Variants in SMAD2 observed in about 807,000 individuals in gnomAD.
The protein encoded by SMAD2 is SMAD family member 2, also known as MAD homolog 2.
In SMAD2, 8 loss-of-function variants were observed where a neutral mutation model predicts 64.4. The ratio of observed to expected loss-of-function variants is 0.12; its 90% CI spans 0.07 to 0.22. The LOEUF is 0.22. Ranked by LOEUF, SMAD2 falls within the 10% of genes least tolerant of loss-of-function variation. The probability of loss-of-function intolerance (pLI) is 1.00; values close to 1 mark genes in which losing one functional copy is unlikely to be tolerated. For synonymous variants in SMAD2, 203 were observed against 195.8 expected, an observed-to-expected ratio of 1.04 and a Z score of -0.31; for missense variants, 289 against 561.2, an observed-to-expected ratio of 0.51 and a Z score of 4.90.
Position 47,834,628 on chromosome 18 carries a change from AG to A in SMAD2, c.*7198del, listed in dbSNP as rs760940783. ...GTTCCTCTAAGCTTGCTAAAAGGCTAGGAAGTCCAGAAATACCTTAAACGTG... is the reference window on the plus strand; with the variant it reads ...GTTCCTCTAAGCTTGCTAAAAGGCTAGAAGTCCAGAAATACCTTAAACGTG... On this transcript the variant is annotated 3_prime_UTR_variant, in exon 11 of 11. Transcript: ENST00000262160. The A allele has an allele frequency of 8.1e-6, 1 of 123,932 alleles. No individual in the cohort carries two copies. Among genetic ancestry groups the A allele is most frequent in the African/African-American group, 5.3e-5 (1 of 18,956 alleles). The allele number at this position is 123,932 out of a possible 1,614,324, so 7.7% of individuals were successfully genotyped here. A position where few individuals can be genotyped will look rare whatever the true frequency, so the allele number is the denominator to read the frequency against.
intron 9 of SMAD2, 89 bp from the exon 10 acceptor site, chr18:47,845,573 C>T (rs2144289128): frequency 6.4e-7 from 1 of 1,561,022 alleles, no homozygotes; most frequent in Admixed American, 1.7e-5. Flanking sequence ...AGAATATGAG[C>T]ATGCAATCAT....
rs190837188 is a variant in SMAD2, at chr18:47,809,543, G to C, written c.*32284C>G. On this transcript the variant is annotated 3_prime_UTR_variant, in exon 11 of 11. Coordinates refer to ENST00000262160, the MANE Select transcript of SMAD2 (RefSeq NM_005901.6). Reference sequence around the variant, plus strand: ...GCTGAGGAGGACTTGGAACCAGAAAGACAATGAAGCACTCAGGCCTGTGCC... The same window carrying C: ...GCTGAGGAGGACTTGGAACCAGAAACACAATGAAGCACTCAGGCCTGTGCC... 11 of 152,624 alleles carry C rather than the reference G, an allele frequency of 7.2e-5. No homozygotes were observed. The highest frequency in any genetic ancestry group is 2.6e-4 in the African/African-American group (11 of 41,588). 9.5% of individuals were successfully genotyped at this position (152,624 alleles called of 1,614,324 possible).
intron 2 of SMAD2, among the ~76,000 whole-genome samples, chr18:47,873,228 G>A (rs567575627): frequency 6.6e-6 from 1 of 152,080 alleles, no homozygotes; most frequent in African/African-American, 2.4e-5. Context: ...TAGATAGTGA[G>A]AGTTGTATAA....
chr18:47,850,177 CATATATATATTATATATAGT>C (rs1486622793), intron 7 of SMAD2, among the ~76,000 whole-genome samples: 2 of 98,144 alleles, frequency 2.0e-5, no homozygotes, highest in African/African-American at 4.1e-5. Flanking sequence ...TGCACACTCT[CATATATATATTATATATAGT>C]ATATATATAT....
chr18:47,868,858 T>G (rs2031753746), intron 4 of SMAD2, among the ~76,000 whole-genome samples: 1 of 152,184 alleles, frequency 6.6e-6, no homozygotes, highest in Admixed American at 6.5e-5. Context: ...AAAGTCTTGT[T>G]ACAAGCTTTA....
At position 47,810,083 on chromosome 18, in the gene SMAD2, G is replaced by A. The variant is rs1912153584; in HGVS notation, c.*31744C>T. The A allele has an allele frequency of 6.6e-6, 1 of 152,172 alleles. No homozygotes were observed. The highest frequency in any genetic ancestry group is 2.4e-5 in the African/African-American group (1 of 41,450). 9.4% of individuals were successfully genotyped at this position (152,172 alleles called of 1,614,324 possible). A position where few individuals can be genotyped will look rare whatever the true frequency, so the allele number is the denominator to read the frequency against. ...GGGCTTCTGCCATCCTGCCTGCCTA[G>A]ACGAGCTGATCTGAGTACAATCACA... On this transcript the variant is annotated 3_prime_UTR_variant, in exon 11 of 11. Transcript: ENST00000262160.
At chr18:47,869,656 A>G (rs971837173) in intron 3 of SMAD2, among the ~76,000 whole-genome samples, 2 of 152,152 alleles carry the variant, frequency 1.3e-5, no homozygotes, top group African/African-American at 4.8e-5. Context: ...ATGTCACATA[A>G]ATGACTCAAA....
intron 2 of SMAD2, among the ~76,000 whole-genome samples, chr18:47,888,513 C>T (rs1016220396): frequency 1.3e-5 from 2 of 152,196 alleles, no homozygotes; most frequent in Non-Finnish European, 2.9e-5. Flanking sequence ...AGAAGTGAAT[C>T]TCCCAGTGTT....
intron 2 of SMAD2, among the ~76,000 whole-genome samples, chr18:47,887,452 T>C (rs1421884258): frequency 1.3e-5 from 2 of 151,994 alleles, no homozygotes; most frequent in African/African-American, 4.8e-5. Context: ...GATGGAGTCC[T>C]GTGGAGGTTG....
chr18:47,846,779 A>T (rs745615084), intron 8 of SMAD2, among the ~76,000 whole-genome samples: 3 of 152,164 alleles, frequency 2.0e-5, no homozygotes, highest in Non-Finnish European at 4.4e-5. Context: ...CCCTGAAAAG[A>T]CCGCCTAACC....
intron 1 of SMAD2, among the ~76,000 whole-genome samples, chr18:47,924,915 A>G (rs2034704138): frequency 6.6e-6 from 1 of 152,244 alleles, no homozygotes. Context: ...TAGGCAAACT[A>G]TAAGATCACA....
chr18:47,872,911 C>T (rs1310550633), intron 2 of SMAD2, among the ~76,000 whole-genome samples: 2 of 152,092 alleles, frequency 1.3e-5, no homozygotes, highest in Admixed American at 6.6e-5. Flanking sequence ...AAATACAATG[C>T]CATTTTATTT....
chr18:47,913,564 G>T lies in SMAD2; in HGVS notation c.-53-16755C>A, dbSNP rs535229467. Among the ~76,000 whole-genome samples the T allele has an allele frequency of 2.0e-5, 3 of 152,264 alleles. No homozygotes were observed. In the South Asian group the frequency reaches 6.2e-4, roughly 32 times the overall value. On this transcript the variant is annotated intron_variant, in intron 1 of 10. Transcript: ENST00000262160. Reference sequence around the variant, plus strand: ...TGTAATAAAATAACATTTGTTGTAAGTAATGCTGATAATACATCTTCAATT... The same window carrying T: ...TGTAATAAAATAACATTTGTTGTAATTAATGCTGATAATACATCTTCAATT...
intron 6 of SMAD2, among the ~76,000 whole-genome samples, chr18:47,854,032 T>A (rs993287880): frequency 6.6e-6 from 1 of 151,472 alleles, no homozygotes. Flanking sequence ...AATTACAGAT[T>A]ACAAAAAAGA....
intron 2 of SMAD2, among the ~76,000 whole-genome samples, chr18:47,876,812 C>T (rs1425754538): frequency 6.6e-6 from 1 of 151,990 alleles, no homozygotes; most frequent in African/African-American, 2.4e-5. Flanking sequence ...ATACACTCGC[C>T]TACATATATA....
chr18:47,870,784 T>C (rs1188961934), intron 2 of SMAD2, among the ~76,000 whole-genome samples: 1 of 152,212 alleles, frequency 6.6e-6, no homozygotes, highest in Admixed American at 6.5e-5. Flanking sequence ...GTCATGATTA[T>C]GTTTTTAAAA....
At chr18:47,862,915 C>A (rs1271456027) in intron 6 of SMAD2, among the ~76,000 whole-genome samples, 1 of 151,928 alleles carries the variant, frequency 6.6e-6, no homozygotes, top group African/African-American at 2.4e-5. Context: ...TTATAAATTT[C>A]TTACGATGTC....
At chr18:47,914,454 GCA>G (rs2034259550) in intron 1 of SMAD2, among the ~76,000 whole-genome samples, 1 of 152,082 alleles carries the variant, frequency 6.6e-6, no homozygotes, top group Admixed American at 6.6e-5. Flanking sequence ...AGAATGTGAG[GCA>G]CAAATAAATA....
chr18:47,864,346 AG>A (rs1250938943), intron 6 of SMAD2, among the ~76,000 whole-genome samples: 1 of 152,162 alleles, frequency 6.6e-6, no homozygotes, highest in Non-Finnish European at 1.5e-5. Flanking sequence ...AAAATAATTT[AG>A]ATTATCATAA....
Sources: gnomAD v4.1 joint callset for allele counts (sites outside exome capture counted in the v4.1 genomes callset) on GRCh38, gnomAD v4.1.1 for gene constraint, MANE v1.5 for transcripts, NCBI Gene and HGNC (gene_info 2026-07-23, HGNC 2026-07-21) for gene names.